Variants in DCP1A observed in about 807,000 individuals in gnomAD.
DCP1A encodes the protein decapping mRNA 1A.
Under a neutral mutation model 58.0 loss-of-function variants are expected in DCP1A, and 20 were observed. The observed-to-expected ratio is 0.34, with a 90% CI of 0.24 to 0.50. The LOEUF (loss-of-function observed/expected upper bound fraction) is 0.50, where lower values mean the gene tolerates loss of function less well. Among genes scored for constraint, DCP1A ranks in the 20% least tolerant of loss-of-function variants. The pLI is 0.98. For missense variants in DCP1A, 613 were observed against 712.2 expected (o/e 0.86, Z 1.59); for synonymous variants, 285 against 275.1 (o/e 1.04, Z -0.36).
intron 8 of DCP1A, among the ~76,000 whole-genome samples, chr3:53,288,624 G>A (rs1472920105): frequency 6.6e-6 from 1 of 152,162 alleles, no homozygotes; most frequent in Non-Finnish European, 1.5e-5. Context: ...TTTTTGGGAG[G>A]AGAGTTGGGG....
At chr3:53,309,720 G>A (rs532547548) in intron 5 of DCP1A, among the ~76,000 whole-genome samples, 1 of 152,360 alleles carries the variant, frequency 6.6e-6, no homozygotes, top group East Asian at 1.9e-4. Flanking sequence ...GGCCAAGATT[G>A]TGCCCCTGCA....
intron 3 of DCP1A, among the ~76,000 whole-genome samples, chr3:53,322,986 G>A (rs1041498728): frequency 4.0e-5 from 6 of 151,876 alleles, no homozygotes; most frequent in East Asian, 1.9e-4. Flanking sequence ...CACCACACCC[G>A]GCTAACTTTT....
intron 4 of DCP1A, among the ~76,000 whole-genome samples, chr3:53,317,474 T>A (rs1268997480): frequency 6.6e-6 from 1 of 152,198 alleles, no homozygotes; most frequent in Non-Finnish European, 1.5e-5. Flanking sequence ...CAACCCTGTG[T>A]CTTCTAGGTA....
chr3:53,347,120 A>G (rs2106908491), intron 1 of DCP1A, among the ~76,000 whole-genome samples: 1 of 152,256 alleles, frequency 6.6e-6, no homozygotes, highest in South Asian at 2.1e-4. Flanking sequence ...CCCAGACCCG[A>G]CGCCAAGGGA....
chr3:53,309,891 C>G (rs1707593301), intron 5 of DCP1A, among the ~76,000 whole-genome samples: 1 of 152,224 alleles, frequency 6.6e-6, no homozygotes. Flanking sequence ...GCCTAGCTTG[C>G]ACCCCTGCCC....
At position 53,319,460 on chromosome 3, in the gene DCP1A, A is replaced by T; in HGVS notation, c.318T>A (p.Ser106Arg). 2 of 1,558,136 alleles carry T rather than the reference A, an allele frequency of 1.3e-6. No homozygotes were observed. Among genetic ancestry groups the T allele is most frequent in the Non-Finnish European group, 1.7e-6 (2 of 1,148,326 alleles). The change falls in exon 4 of 10, where the codon AGT becomes AGA. Residue 106 changes from serine to arginine, a missense_variant. Ser to Arg is a moderately radical substitution (Grantham distance 110, BLOSUM62 -1). Coordinates refer to ENST00000610213, the MANE Select transcript of DCP1A (RefSeq NM_018403.7). ...LYRNASLSIY[S>R]IWFYDKNDCH... The stretch of plus-strand genomic sequence containing the variant: ...AGTCATTCTTGTCATAAAACCAGAT[A>T]CTATATATCGACACTTGAAAAACAA...
In DCP1A at chr3:53,287,102, G is replaced by A. The variant is rs2106781380; in HGVS notation, c.*478C>T. On this transcript the variant is annotated 3_prime_UTR_variant, in exon 10 of 10. Transcript: ENST00000610213. Reference sequence around the variant, plus strand: ...TAAATTCTGGTCCTAAAAACTAGAAGCTACTTTGCAGAGCTGCCTTCTACT... The same window carrying A: ...TAAATTCTGGTCCTAAAAACTAGAAACTACTTTGCAGAGCTGCCTTCTACT... 1 of 152,730 alleles carries A rather than the reference G, an allele frequency of 6.5e-6. No homozygotes were observed. The highest frequency in any genetic ancestry group is 1.9e-4 in the East Asian group (1 of 5,202). 9.5% of individuals were successfully genotyped at this position (152,730 alleles called of 1,614,324 possible).
rs924957141 is a variant in DCP1A, at chr3:53,292,580, G to A, written c.872C>T (p.Pro291Leu). 19 of 1,613,862 alleles carry A rather than the reference G, an allele frequency of 1.2e-5. No homozygotes were observed. Among genetic ancestry groups the A allele is most frequent in the Admixed American group, 3.3e-5 (2 of 59,984 alleles). ...HHSVQPEITT[P>L]VLITPASITQ... The stretch of plus-strand genomic sequence containing the variant: ...GATGGAGGCTGGAGTGATTAGCACC[G>A]GGGTGGTGATTTCAGGCTGGACTGA... The change falls in exon 7 of 10, where the codon CCG (proline) becomes CTG (leucine). Residue 291 changes from proline to leucine, a missense_variant. Transcript: ENST00000610213.
intron 1 of DCP1A, 104 bp downstream of exon 1, chr3:53,347,279 G>C: frequency 7.5e-7 from 1 of 1,335,864 alleles, no homozygotes; most frequent in Non-Finnish European, 9.7e-7. Context: ...CGTCTCCACC[G>C]CCCTGGCCTC....
chr3:53,345,383 CA>C (rs1420310177), intron 1 of DCP1A, among the ~76,000 whole-genome samples: 1 of 152,130 alleles, frequency 6.6e-6, no homozygotes, highest in East Asian at 1.9e-4. Flanking sequence ...TTTGTTTCAT[CA>C]CTAGGGAGTT....
chr3:53,322,813 CT>C lies in DCP1A; in HGVS notation c.305-3341del, dbSNP rs1305800543. Among the ~76,000 whole-genome samples the C allele has an allele frequency of 9.4e-3, 1,271 of 135,456 alleles. 4 individuals carry two copies. Among genetic ancestry groups the C allele is most frequent in the African/African-American group, 0.021 (766 of 37,122 alleles). 88.9% of individuals were successfully genotyped at this position (135,456 alleles called of 152,430 possible). ...TTTCCCATGTTTGTTTGTTTGTTTG[CT>C]TTTTTTTTTTTTTTTGAGAGATGGA... On this transcript the variant is annotated intron_variant, in intron 3 of 9. Transcript: ENST00000610213.
chr3:53,300,249 T>G (rs1458624922), intron 6 of DCP1A, among the ~76,000 whole-genome samples: 1 of 152,212 alleles, frequency 6.6e-6, no homozygotes, highest in Non-Finnish European at 1.5e-5. Context: ...GAGTTCTGTA[T>G]GTCTACAGAC....
At chr3:53,302,497 A>G (rs1365641562) in intron 6 of DCP1A, among the ~76,000 whole-genome samples, 5 of 152,248 alleles carry the variant, frequency 3.3e-5, no homozygotes, top group Admixed American at 6.5e-5. Context: ...CATGGTGCTT[A>G]TATTTTGGTG....
intron 3 of DCP1A, among the ~76,000 whole-genome samples, chr3:53,335,301 C>G (rs2089093703): frequency 2.6e-5 from 4 of 151,994 alleles, no homozygotes. Flanking sequence ...CCACCAGGCC[C>G]AGCTAATTTT....
intron 1 of DCP1A, 135 bp downstream of exon 1, chr3:53,347,248 C>T (rs2089302645): frequency 8.8e-7 from 1 of 1,132,718 alleles, no homozygotes; most frequent in South Asian, 1.8e-5. Flanking sequence ...TCTGGCTAGG[C>T]TCTTGGCCAG....
At chr3:53,294,644 T>C (rs1164091133) in intron 6 of DCP1A, among the ~76,000 whole-genome samples, 1 of 152,234 alleles carries the variant, frequency 6.6e-6, no homozygotes, top group East Asian at 1.9e-4. Flanking sequence ...TGTGATGTCC[T>C]ATCAACCACC....
intron 8 of DCP1A, 149 bp downstream of exon 8, chr3:53,290,642 C>T (rs1340001896): frequency 7.1e-6 from 5 of 699,310 alleles, no homozygotes; most frequent in Non-Finnish European, 1.3e-5. Flanking sequence ...GGAGTCCTGG[C>T]TGGTCCAAAG....
intron 4 of DCP1A, among the ~76,000 whole-genome samples, chr3:53,315,839 C>T (rs961327023): frequency 2.1e-5 from 3 of 145,308 alleles, no homozygotes; most frequent in Admixed American, 1.5e-4. Flanking sequence ...CTGAAAGCTC[C>T]GCTTCCCGGG....
At chr3:53,309,369 CA>C (rs79989110) in intron 5 of DCP1A, among the ~76,000 whole-genome samples, 21,115 of 94,526 alleles carry the variant, frequency 0.22, 1,450 homozygotes, top group Non-Finnish European at 0.26. Context: ...GACTCCATCT[CA>C]AAAAAAAAAA....
Sources: gnomAD v4.1 joint callset for allele counts (sites outside exome capture counted in the v4.1 genomes callset) on GRCh38, gnomAD v4.1.1 for gene constraint, MANE v1.5 for transcripts, NCBI Gene and HGNC (gene_info 2026-07-23, HGNC 2026-07-21) for gene names.